MEGF9: variants seen among roughly 807,000 people sequenced by gnomAD.
MEGF9 encodes the protein multiple EGF like domains 9, also known as multiple epidermal growth factor-like domains protein 9.
A neutral mutation model predicts 46.8 loss-of-function variants in MEGF9; 6 were observed. That is an observed-to-expected ratio of 0.13 (90% confidence interval 0.07 to 0.25). The LOEUF (loss-of-function observed/expected upper bound fraction) is 0.25, where lower values mean the gene tolerates loss of function less well. MEGF9 is among the 10% of genes least tolerant of loss of function. MEGF9 has a pLI of 1.00. For missense variants in MEGF9, 683 were observed against 792.4 expected, an observed-to-expected ratio of 0.86 and a Z score of 1.66; for synonymous variants, 302 against 330.7, an observed-to-expected ratio of 0.91 and a Z score of 0.94.
chr9:120,705,091 G>T (rs907821100), intron 1 of MEGF9, among the ~76,000 whole-genome samples: 1 of 151,900 alleles, frequency 6.6e-6, no homozygotes, highest in African/African-American at 2.4e-5. Flanking sequence ...CAATAAAGAA[G>T]ACCCCAGTGG....
At chr9:120,692,607 C>T (rs916035263) in intron 1 of MEGF9, among the ~76,000 whole-genome samples, 20 of 152,152 alleles carry the variant, frequency 1.3e-4, no homozygotes, top group African/African-American at 4.8e-4. Context: ...ATGGAAAGCA[C>T]ATCATGATTT....
chr9:120,670,401 A>C (rs1239562792), intron 1 of MEGF9, among the ~76,000 whole-genome samples: 3 of 152,072 alleles, frequency 2.0e-5, no homozygotes, highest in African/African-American at 7.2e-5. Flanking sequence ...CCGGCCTCTA[A>C]AAGTTCTTTG....
intron 1 of MEGF9, among the ~76,000 whole-genome samples, chr9:120,674,253 A>C (rs2043763016): frequency 6.6e-6 from 1 of 152,216 alleles, no homozygotes. Context: ...CTGTCAAAGC[A>C]CTTGCATCAA....
chr9:120,618,414 C>T (rs1326896935), intron 3 of MEGF9, among the ~76,000 whole-genome samples: 2 of 152,182 alleles, frequency 1.3e-5, no homozygotes, highest in African/African-American at 4.8e-5. Context: ...TCAAGTTACT[C>T]ATCATGGGAC....
In MEGF9 at chr9:120,607,809, G is replaced by C. The variant is rs1194055893; in HGVS notation, c.1289C>G (p.Thr430Ser). ...GECINCLHNT[T>S]GFWCENCLEG... is the part of the protein sequence containing the mutation. ...TAGGCAGTTCTCACACCAAAACCCA[G>C]TGGTGTTATGGAGGCAGTTGATGCA... Residue 430 changes from threonine (T) to serine (S), a missense_variant, in exon 5 of 6, where the codon ACT (threonine) becomes AGT (serine). By Grantham distance (58) the Thr-to-Ser change is moderately conservative (BLOSUM62 1). Transcript: ENST00000373930. The C allele has an allele frequency of 1.9e-6, 3 of 1,613,824 alleles. No individual in the cohort carries two copies. Among genetic ancestry groups the C allele is most frequent in the Non-Finnish European group, 2.5e-6 (3 of 1,179,840 alleles).
chr9:120,688,083 C>A (rs1473673813), intron 1 of MEGF9, among the ~76,000 whole-genome samples: 6 of 150,344 alleles, frequency 4.0e-5, no homozygotes, highest in Non-Finnish European at 7.4e-5. Flanking sequence ...TTTAAAAGAA[C>A]AAGTTTTGCA....
chr9:120,626,815 T>C (rs1296975281), intron 2 of MEGF9, among the ~76,000 whole-genome samples: 2 of 152,200 alleles, frequency 1.3e-5, no homozygotes, highest in Admixed American at 6.5e-5. Flanking sequence ...TTCTCATTTG[T>C]TAAGTGAAGA....
chr9:120,607,971 T>C lies in MEGF9; in HGVS notation c.1127A>G (p.Asp376Gly). 1 of 1,614,020 alleles carries C rather than the reference T, an allele frequency of 6.2e-7. No homozygotes were observed. ...ELEPECDQCKDGYIGPNCNKC... is the reference protein window; with the variant it reads ...ELEPECDQCKGGYIGPNCNKC... ...ATTGCAGTTCGGGCCTATGTAACCA[T>C]CTTTACACTGGTCACATTCAGGTTC... Residue 376 changes from aspartate to glycine, a missense_variant, in exon 5 of 6, where the codon GAT (aspartate) becomes GGT (glycine). Asp to Gly is a moderately conservative substitution (Grantham distance 94). This residue lies in a region of MEGF9 where 313 missense variants were observed against 421.1 expected (regional missense o/e 0.74). Coordinates refer to ENST00000373930, the MANE Select transcript of MEGF9 (RefSeq NM_001080497.3).
chr9:120,711,871 A>ACACACACCCCC (rs145059704), intron 1 of MEGF9, among the ~76,000 whole-genome samples: 5 of 150,108 alleles, frequency 3.3e-5, no homozygotes, highest in African/African-American at 1.2e-4. Context: ...ACACACACAC[A>ACACACACCCCC]CCCACAGGCC....
chr9:120,624,588 C>T (rs181554219), intron 2 of MEGF9, among the ~76,000 whole-genome samples: 259 of 152,170 alleles, frequency 1.7e-3, no homozygotes, highest in Middle Eastern at 3.4e-3. Context: ...AAAATATAGG[C>T]CGGGCGTGGT....
intron 2 of MEGF9, among the ~76,000 whole-genome samples, chr9:120,654,392 T>C (rs1324479555): frequency 6.6e-6 from 1 of 152,162 alleles, no homozygotes; most frequent in Non-Finnish European, 1.5e-5. Flanking sequence ...CAATGACGTA[T>C]GGAATATATC....
At chr9:120,636,233 C>T (rs1198162297) in intron 2 of MEGF9, among the ~76,000 whole-genome samples, 1 of 152,206 alleles carries the variant, frequency 6.6e-6, no homozygotes, top group African/African-American at 2.4e-5. Context: ...CCACCGCGTC[C>T]AGCCTACCTC....
chr9:120,672,849 C>A (rs1390414980), intron 1 of MEGF9, among the ~76,000 whole-genome samples: 2 of 151,994 alleles, frequency 1.3e-5, no homozygotes, highest in African/African-American at 4.8e-5. Flanking sequence ...CATGGAGAAA[C>A]CTTGTCTCTA....
chr9:120,658,047 C>T (rs113484673), intron 2 of MEGF9, among the ~76,000 whole-genome samples: 13 of 151,794 alleles, frequency 8.6e-5, no homozygotes, highest in African/African-American at 2.2e-4. Flanking sequence ...TGCAGTGGCG[C>T]GATCTCAGCT....
chr9:120,624,072 A>G (rs2043513181), intron 2 of MEGF9, among the ~76,000 whole-genome samples: 1 of 152,234 alleles, frequency 6.6e-6, no homozygotes, highest in Non-Finnish European at 1.5e-5. Flanking sequence ...AGTAGTTGCT[A>G]TTCCTGAAGT....
chr9:120,707,817 C>A (rs1564432508), intron 1 of MEGF9, among the ~76,000 whole-genome samples: 1 of 151,936 alleles, frequency 6.6e-6, no homozygotes, highest in Non-Finnish European at 1.5e-5. Flanking sequence ...CTGAGGCAGG[C>A]AGATCATTTG....
At chr9:120,620,721 A>G (rs2043495684) in intron 3 of MEGF9, among the ~76,000 whole-genome samples, 1 of 152,146 alleles carries the variant, frequency 6.6e-6, no homozygotes, top group Admixed American at 6.5e-5. Flanking sequence ...GAAAGATCAT[A>G]TATGAGAACC....
chr9:120,620,864 A>C (rs576913044), intron 3 of MEGF9, among the ~76,000 whole-genome samples: 1 of 151,962 alleles, frequency 6.6e-6, no homozygotes, highest in African/African-American at 2.4e-5. Flanking sequence ...GAAAAAAAAA[A>C]CAATTTCTTC....
intron 2 of MEGF9, among the ~76,000 whole-genome samples, chr9:120,639,398 C>T (rs981993515): frequency 4.0e-5 from 6 of 151,018 alleles, no homozygotes; most frequent in Non-Finnish European, 8.8e-5. Flanking sequence ...AATCCCAGTA[C>T]TCGGGAGGCT....
Sources: gnomAD v4.1 joint callset for allele counts (sites outside exome capture counted in the v4.1 genomes callset) on GRCh38, gnomAD v4.1.1 for gene constraint, gnomAD v4.1.1 regional missense constraint, MANE v1.5 for transcripts, NCBI Gene and HGNC (gene_info 2026-07-23, HGNC 2026-07-21) for gene names.